LSAMP: variants seen among roughly 807,000 people sequenced by gnomAD.
The protein encoded by LSAMP is limbic system associated membrane protein.
Under a neutral mutation model 38.6 loss-of-function variants are expected in LSAMP, and 7 were observed. That is an observed-to-expected ratio of 0.18 (90% CI 0.10 to 0.34). The LOEUF (loss-of-function observed/expected upper bound fraction) is 0.34. Among genes scored for constraint, LSAMP ranks in the 10% least tolerant of loss-of-function variants. The probability of loss-of-function intolerance (pLI) is 1.00; values close to 1 mark genes in which losing one functional copy is unlikely to be tolerated. For synonymous variants in LSAMP, 154 were observed against 166.8 expected (o/e 0.92, Z 0.59); for missense variants, 313 against 420.0 (o/e 0.75, Z 2.23).
At chr3:116,358,166 G>A (rs376083281) in intron 1 of LSAMP, among the ~76,000 whole-genome samples, 2 of 152,156 alleles carry the variant, frequency 1.3e-5, no homozygotes, top group South Asian at 4.1e-4. Context: ...ATGTCACCAG[G>A]TAGAACATAG....
At chr3:116,027,939 T>A (rs1215424749) in intron 2 of LSAMP, among the ~76,000 whole-genome samples, 1 of 152,172 alleles carries the variant, frequency 6.6e-6, no homozygotes, top group African/African-American at 2.4e-5. Context: ...TATTGTTCAT[T>A]CAAAGATGGG....
At chr3:116,165,097 T>C (rs1042228323) in intron 1 of LSAMP, among the ~76,000 whole-genome samples, 5 of 152,192 alleles carry the variant, frequency 3.3e-5, no homozygotes, top group African/African-American at 7.2e-5. Flanking sequence ...GGTGTACAGA[T>C]AGTATGTCTG....
chr3:116,296,710 A>G (rs1209118759), intron 1 of LSAMP, among the ~76,000 whole-genome samples: 2 of 150,802 alleles, frequency 1.3e-5, no homozygotes, highest in Admixed American at 6.6e-5. Context: ...AAAAAAAAAA[A>G]AAAAAAAAAA....
rs376687936 is a variant in LSAMP at position 116,289,067 on chromosome 3, TTTTG to T, written c.155+155806_155+155809del. On this transcript the variant is annotated intron_variant, in intron 1 of 6. Transcript: ENST00000490035. ...GAAACTGAATTCATAGAACCATGAG[TTTTG>T]TTTATTTATCATGTTTTATAAAATT... Among the ~76,000 whole-genome samples, 382 of 152,272 alleles carry T rather than the reference TTTTG, an allele frequency of 2.5e-3. 1 individual carries two copies. The highest frequency in any genetic ancestry group is 8.8e-3 in the African/African-American group (365 of 41,558).
chr3:115,958,542 T>G (rs921243252), intron 3 of LSAMP, among the ~76,000 whole-genome samples: 4 of 152,240 alleles, frequency 2.6e-5, no homozygotes, highest in African/African-American at 7.2e-5. Flanking sequence ...GAGGTTGATA[T>G]GAGGTTGATA....
chr3:116,054,138 A>C (rs180748335), intron 2 of LSAMP, among the ~76,000 whole-genome samples: 8 of 152,272 alleles, frequency 5.3e-5, no homozygotes, highest in African/African-American at 1.4e-4. Context: ...GGCTCTCTGC[A>C]TTCCTGAGCT....
chr3:115,850,143 A>G (rs1275379337), intron 4 of LSAMP, among the ~76,000 whole-genome samples: 1 of 152,204 alleles, frequency 6.6e-6, no homozygotes, highest in Non-Finnish European at 1.5e-5. Context: ...TCACATTTTC[A>G]TAAAAGTCTT....
intron 1 of LSAMP, among the ~76,000 whole-genome samples, chr3:116,258,791 T>C (rs535753909): frequency 6.6e-6 from 1 of 152,258 alleles, no homozygotes; most frequent in South Asian, 2.1e-4. Flanking sequence ...ACTTCTAAAG[T>C]GACCTCTTAT....
chr3:116,164,953 T>A (rs1375464034), intron 1 of LSAMP, among the ~76,000 whole-genome samples: 1 of 151,824 alleles, frequency 6.6e-6, no homozygotes, highest in Non-Finnish European at 1.5e-5. Flanking sequence ...TTCATCAGGT[T>A]ATCTGCCTCT....
intron 1 of LSAMP, among the ~76,000 whole-genome samples, chr3:116,254,984 T>C (rs1317580986): frequency 2.6e-5 from 4 of 152,180 alleles, no homozygotes; most frequent in Non-Finnish European, 5.9e-5. Flanking sequence ...AGATTGGATG[T>C]TAGGAAAGCA....
intron 1 of LSAMP, among the ~76,000 whole-genome samples, chr3:116,313,808 GC>G (rs2047591063): frequency 6.6e-6 from 1 of 152,128 alleles, no homozygotes; most frequent in African/African-American, 2.4e-5. Context: ...ACAAAAATTA[GC>G]CAGGTGTGGT....
intron 1 of LSAMP, among the ~76,000 whole-genome samples, chr3:116,137,314 C>G (rs891193694): frequency 2.0e-5 from 3 of 152,058 alleles, no homozygotes; most frequent in African/African-American, 7.2e-5. Context: ...TCCAGGTGGA[C>G]ATCTTTGCAA....
chr3:116,314,226 A>G (rs2047599133), intron 1 of LSAMP, among the ~76,000 whole-genome samples: 1 of 152,238 alleles, frequency 6.6e-6, no homozygotes, highest in Admixed American at 6.5e-5. Flanking sequence ...TCTAATAATT[A>G]TATAACCTGG....
chr3:116,148,590 G>A (rs1406047547), intron 1 of LSAMP, among the ~76,000 whole-genome samples: 1 of 151,996 alleles, frequency 6.6e-6, no homozygotes, highest in Non-Finnish European at 1.5e-5. Flanking sequence ...ATAAGTTCAA[G>A]GCAGTTTCTA....
At chr3:116,043,478 A>G (rs1028940158) in intron 2 of LSAMP, among the ~76,000 whole-genome samples, 13 of 152,176 alleles carry the variant, frequency 8.5e-5, no homozygotes, top group African/African-American at 3.1e-4. Context: ...ATGTCACCCC[A>G]CACAAGGCAA....
intron 2 of LSAMP, among the ~76,000 whole-genome samples, chr3:116,026,886 T>C (rs1211765631): frequency 6.6e-6 from 1 of 152,152 alleles, no homozygotes; most frequent in East Asian, 1.9e-4. Context: ...CTGGCACCAT[T>C]GAATTCACTT....
intron 1 of LSAMP, among the ~76,000 whole-genome samples, chr3:116,215,344 G>A (rs563983309): frequency 6.6e-5 from 10 of 152,168 alleles, no homozygotes; most frequent in Non-Finnish European, 1.2e-4. Context: ...ACATGAGACC[G>A]ATTTCTGGCT....
At chr3:116,194,294 A>T (rs1710824740) in intron 1 of LSAMP, among the ~76,000 whole-genome samples, 1 of 152,216 alleles carries the variant, frequency 6.6e-6, no homozygotes, top group Non-Finnish European at 1.5e-5. Flanking sequence ...CGGAAGACAC[A>T]AACCGAAAAA....
At chr3:116,409,441 T>C (rs2048942808) in intron 1 of LSAMP, among the ~76,000 whole-genome samples, 1 of 152,006 alleles carries the variant, frequency 6.6e-6, no homozygotes, top group South Asian at 2.1e-4. Context: ...AAGATGAAAA[T>C]AAAGGTAACC....
Sources: allele counts gnomAD v4.1 joint callset (sites outside exome capture counted in the v4.1 genomes callset), GRCh38; gene constraint gnomAD v4.1.1; transcripts MANE v1.5; gene names NCBI Gene and HGNC (gene_info 2026-07-23, HGNC 2026-07-21).